Variants in SLC35F1 observed in about 807,000 individuals in gnomAD.
The protein encoded by SLC35F1 is chromosome 6 open reading frame 169.
SLC35F1 carries 14 observed loss-of-function variants against 48.7 expected under a neutral mutation model. The observed-to-expected ratio is 0.29, with a 90% confidence interval of 0.19 to 0.45. The LOEUF is 0.45. SLC35F1 is among the 20% of genes least tolerant of loss of function. SLC35F1 has a pLI of 1.00. For missense variants in SLC35F1, 404 were observed against 500.0 expected, an observed-to-expected ratio of 0.81 and a Z score of 1.83; for synonymous variants, 190 against 202.2, an observed-to-expected ratio of 0.94 and a Z score of 0.51.
intron 1 of SLC35F1, among the ~76,000 whole-genome samples, chr6:118,111,430 A>T (rs960671912): frequency 6.6e-6 from 1 of 152,164 alleles, no homozygotes; most frequent in Non-Finnish European, 1.5e-5. Flanking sequence ...CAAGAAGAAA[A>T]TAGAGGGAAG....
chr6:118,147,512 A>G (rs1773992056), intron 1 of SLC35F1, among the ~76,000 whole-genome samples: 2 of 152,146 alleles, frequency 1.3e-5, no homozygotes, highest in Non-Finnish European at 2.9e-5. Context: ...AAGGGAGCAT[A>G]AGAAGTGTCA....
At chr6:117,975,444 T>A (rs1776693541) in intron 1 of SLC35F1, among the ~76,000 whole-genome samples, 1 of 152,224 alleles carries the variant, frequency 6.6e-6, no homozygotes, top group Non-Finnish European at 1.5e-5. Flanking sequence ...AGTCTGGCAG[T>A]GTTGTTGAAG....
At position 118,272,763 on chromosome 6, in the gene SLC35F1, A is replaced by ATG. The variant is rs1554243245; in HGVS notation, c.638-2694_638-2693dup. ...TATATATATATACATATATATATAT[A>ATG]TGTATATATATATACCATTTTTTAG... On this transcript the variant is annotated intron_variant, in intron 4 of 7. Coordinates refer to ENST00000360388, the MANE Select transcript of SLC35F1 (RefSeq NM_001029858.4). 6.1e-3 allele frequency among the ~76,000 whole-genome samples: 645 copies of ATG among 106,300 alleles called. 12 individuals are homozygous for ATG. The highest frequency in any genetic ancestry group is 0.02 in the African/African-American group (614 of 31,318). 69.7% of individuals were successfully genotyped at this position (106,300 alleles called of 152,430 possible). A position where few individuals can be genotyped will look rare whatever the true frequency, so the allele number is the denominator to read the frequency against.
At chr6:118,147,098 G>T (rs184771941) in intron 1 of SLC35F1, among the ~76,000 whole-genome samples, 97 of 152,280 alleles carry the variant, frequency 6.4e-4, no homozygotes, top group African/African-American at 2.0e-3. Flanking sequence ...GCACAGGGGT[G>T]CAGGGTACAC....
At chr6:118,237,380 G>A (rs1490374603) in intron 3 of SLC35F1, among the ~76,000 whole-genome samples, 3 of 151,754 alleles carry the variant, frequency 2.0e-5, no homozygotes, top group Non-Finnish European at 4.4e-5. Context: ...ATTCCAGAGG[G>A]AGAATAATTC....
intron 1 of SLC35F1, chr6:117,998,969 G>A (rs990895256): frequency 1.1e-5 from 12 of 1,044,330 alleles, no homozygotes; most frequent in Non-Finnish European, 1.6e-5. Context: ...GGCTTATGGT[G>A]CAGACATGGC....
chr6:118,036,792 C>T (rs1472825885), intron 1 of SLC35F1, among the ~76,000 whole-genome samples: 1 of 152,116 alleles, frequency 6.6e-6, no homozygotes, highest in Non-Finnish European at 1.5e-5. Context: ...AACTCCTGGC[C>T]TCAAGTGATC....
intron 1 of SLC35F1, among the ~76,000 whole-genome samples, chr6:118,041,405 G>A (rs2114902127): frequency 6.6e-6 from 1 of 152,188 alleles, no homozygotes. Context: ...GCGCTTCACT[G>A]CCTGTCAACC....
chr6:118,067,441 A>T (rs1772631902), intron 1 of SLC35F1, among the ~76,000 whole-genome samples: 1 of 152,180 alleles, frequency 6.6e-6, no homozygotes, highest in African/African-American at 2.4e-5. Context: ...AAAAGAGAAA[A>T]GGTTGCAGAA....
At chr6:118,017,085 A>G (rs1341426837) in intron 1 of SLC35F1, among the ~76,000 whole-genome samples, 1 of 152,222 alleles carries the variant, frequency 6.6e-6, no homozygotes, top group East Asian at 1.9e-4. Flanking sequence ...CTGTTGCTTT[A>G]AGAACCAATC....
At chr6:118,302,073 C>T in intron 7 of SLC35F1, among the ~76,000 whole-genome samples, 1 of 151,866 alleles carries the variant, frequency 6.6e-6, no homozygotes, top group East Asian at 1.9e-4. Flanking sequence ...TGTCTGCCCC[C>T]TATTTGAGTT....
chr6:117,917,901 A>G (rs960267402), intron 1 of SLC35F1, among the ~76,000 whole-genome samples: 4 of 152,126 alleles, frequency 2.6e-5, no homozygotes, highest in Non-Finnish European at 5.9e-5. Flanking sequence ...AGGACTCAGC[A>G]AAGGAACTGG....
At chr6:118,273,111 T>G (rs1315689821) in intron 4 of SLC35F1, among the ~76,000 whole-genome samples, 1 of 151,538 alleles carries the variant, frequency 6.6e-6, no homozygotes, top group Non-Finnish European at 1.5e-5. Context: ...AAAATACTTG[T>G]GAACTTGTGG....
At chr6:118,249,956 G>A (rs974810844) in intron 3 of SLC35F1, among the ~76,000 whole-genome samples, 9 of 152,128 alleles carry the variant, frequency 5.9e-5, no homozygotes, top group Non-Finnish European at 7.4e-5. Context: ...TTGATTCCCC[G>A]TGGCAGAAAT....
chr6:118,281,176 C>T (rs1412582126), intron 6 of SLC35F1, among the ~76,000 whole-genome samples: 2 of 76,544 alleles, frequency 2.6e-5, no homozygotes, highest in Non-Finnish European at 2.6e-5. Context: ...TATATAGTAA[C>T]TCTCTCTCTC....
At chr6:118,281,833 C>T (rs1775988417) in intron 6 of SLC35F1, among the ~76,000 whole-genome samples, 1 of 152,208 alleles carries the variant, frequency 6.6e-6, no homozygotes, top group Non-Finnish European at 1.5e-5. Flanking sequence ...TGTTTCTTGA[C>T]TCTATAAGCC....
At chr6:118,235,473 G>T in intron 2 of SLC35F1, 36 bp from the exon 3 acceptor site, 4 of 1,585,302 alleles carry the variant, frequency 2.5e-6, no homozygotes, top group South Asian at 1.1e-5. Flanking sequence ...TCTATTTCAG[G>T]AACCTAACCC....
In SLC35F1 at chr6:118,317,643, C is replaced by G. The variant is rs1412163325; in HGVS notation, c.*3391C>G. The stretch of plus-strand genomic sequence containing the variant: ...CAATGTAATGCCTGTATAATGTTTT[C>G]AAATAAAAATAAATGCTTTATGAAA... On this transcript the variant is annotated 3_prime_UTR_variant, in exon 8 of 8. Transcript: ENST00000360388. 2.6e-5 allele frequency: 4 copies of G among 152,184 alleles called. No homozygotes were observed. Among genetic ancestry groups the G allele is most frequent in the African/African-American group, 9.7e-5 (4 of 41,438 alleles). The allele number at this position is 152,184 out of a possible 1,614,324, so 9.4% of individuals were successfully genotyped here.
At chr6:118,302,793 C>T (rs1347416965) in intron 7 of SLC35F1, among the ~76,000 whole-genome samples, 1 of 151,720 alleles carries the variant, frequency 6.6e-6, no homozygotes, top group African/African-American at 2.4e-5. Context: ...TCCTACTACC[C>T]CATGGATTTC....
Sources: gnomAD v4.1 joint callset for allele counts (sites outside exome capture counted in the v4.1 genomes callset) on GRCh38, gnomAD v4.1.1 for gene constraint, MANE v1.5 for transcripts, NCBI Gene and HGNC (gene_info 2026-07-23, HGNC 2026-07-21) for gene names.